ABHD2: variants seen among roughly 807,000 people sequenced by gnomAD.
ABHD2 encodes the protein monoacylglycerol lipase ABHD2.
A neutral mutation model predicts 48.1 loss-of-function variants in ABHD2; 20 were observed. The ratio of observed to expected loss-of-function variants is 0.42; its 90% CI spans 0.29 to 0.60. The LOEUF (loss-of-function observed/expected upper bound fraction) is 0.60. Among genes scored for constraint, ABHD2 ranks in the 20% least tolerant of loss-of-function variants. The pLI is 0.24. For synonymous variants in ABHD2, 209 were observed against 214.2 expected (o/e 0.98, Z 0.21); for missense variants, 405 against 550.9 (o/e 0.74, Z 2.65).
the ABHD2 span, among the ~76,000 whole-genome samples, chr15:89,055,713 T>C: frequency 6.6e-6 from 1 of 152,146 alleles, no homozygotes; most frequent in African/African-American, 2.4e-5. Flanking sequence ...ATGGGGGCGG[T>C]TGAATAATCC....
Position 89,151,752 on chromosome 15 carries a change from G to T in ABHD2, c.270G>T (p.Arg90Ser), listed in dbSNP as rs761873150. 4.7e-5 allele frequency: 76 copies of T among 1,614,060 alleles called. No homozygotes were observed. Among genetic ancestry groups the T allele is most frequent in the Non-Finnish European group, 6.2e-5 (73 of 1,180,046 alleles). The part of the protein sequence containing the change: ...TALYGKMGRV[R>S]SPHPYGHRKF... The stretch of plus-strand genomic sequence containing the variant: ...TGTATGGGAAGATGGGAAGGGTGAG[G>T]TCGCCACATCCTTATGGGCACCGGA... Residue 90 changes from arginine to serine, a missense_variant, in exon 4 of 11, where the codon AGG (arginine) becomes AGT (serine). Transcript: ENST00000352732. The surrounding 1 kb of genome is among the most constrained non-coding windows in gnomAD (Gnocchi z 4.7).
rs146498080 is a variant in ABHD2 at position 89,186,231 on chromosome 15, G to A, written c.815+715G>A. On this transcript the variant is annotated intron_variant, in intron 7 of 10. Coordinates refer to ENST00000352732, the MANE Select transcript of ABHD2 (RefSeq NM_152924.5). The surrounding 1 kb of genome is among the most constrained non-coding windows in gnomAD (Gnocchi z 4.3). ...AGGAGGCTCAGGGCATGGTTTCGGC[G>A]CCTCCCTGCTCGGAGTTTGAGCCTC... is the stretch of plus-strand genomic sequence containing the variant. 8.1e-4 allele frequency among the ~76,000 whole-genome samples: 123 copies of A among 152,234 alleles called. No individual in the cohort carries two copies. Among genetic ancestry groups the A allele is most frequent in the African/African-American group, 2.9e-3 (119 of 41,546 alleles).
the ABHD2 span, among the ~76,000 whole-genome samples, chr15:89,073,381 C>T: frequency 4.6e-5 from 7 of 152,064 alleles, no homozygotes; most frequent in South Asian, 8.3e-4. Context: ...CTGCAACTTC[C>T]GCCTCCTAGG....
chr15:89,048,618 A>G, the ABHD2 span, among the ~76,000 whole-genome samples: 3 of 151,242 alleles, frequency 2.0e-5, no homozygotes, highest in African/African-American at 7.3e-5. Flanking sequence ...TTTTTCTCTA[A>G]ACTTCCCTTC....
chr15:89,052,050 T>C, the ABHD2 span, among the ~76,000 whole-genome samples: 1 of 152,174 alleles, frequency 6.6e-6, no homozygotes, highest in Non-Finnish European at 1.5e-5. Flanking sequence ...GGAATGCATT[T>C]TCCCATGGGA....
the ABHD2 span, among the ~76,000 whole-genome samples, chr15:89,075,139 G>T: frequency 6.6e-6 from 1 of 152,188 alleles, no homozygotes; most frequent in African/African-American, 2.4e-5. This position sits in a 1 kb window ranked among gnomAD's most constrained non-coding sequence, Gnocchi z 4.1. Context: ...AGAGGAATAA[G>T]TCACCCTCCT....
chr15:89,090,708 G>C (rs1473306669), intron 1 of ABHD2, among the ~76,000 whole-genome samples: 2 of 152,120 alleles, frequency 1.3e-5, no homozygotes, highest in Non-Finnish European at 2.9e-5. Context: ...CCCTCGAAAT[G>C]GTAAAGTCCT....
the ABHD2 span, among the ~76,000 whole-genome samples, chr15:89,067,825 A>G: frequency 6.6e-6 from 1 of 152,174 alleles, no homozygotes; most frequent in African/African-American, 2.4e-5. Flanking sequence ...TGAGAGTCCA[A>G]ACCTTGAGGT....
rs767332086 is a variant in ABHD2 at position 89,091,737 on chromosome 15, G to A, written c.-107+3174G>A. On this transcript the variant is annotated intron_variant, in intron 1 of 10. Coordinates refer to ENST00000352732, the MANE Select transcript of ABHD2 (RefSeq NM_152924.5). This position sits in a 1 kb window ranked among gnomAD's most constrained non-coding sequence, Gnocchi z 5.5. ...CAATATAATTGAATTTTGTGTGGCAGAATTTCTACCATGACCTACAGCTTA... is the reference window on the plus strand; with the variant it reads ...CAATATAATTGAATTTTGTGTGGCAAAATTTCTACCATGACCTACAGCTTA... Among the ~76,000 whole-genome samples, 14 of 152,198 alleles carry A rather than the reference G, an allele frequency of 9.2e-5. No homozygotes were observed. Among genetic ancestry groups the A allele is most frequent in the Non-Finnish European group, 1.8e-4 (12 of 68,030 alleles).
the ABHD2 span, among the ~76,000 whole-genome samples, chr15:89,043,491 A>G: frequency 1.1e-4 from 12 of 109,622 alleles, no homozygotes; most frequent in African/African-American, 3.4e-4. Flanking sequence ...AAGAAGGGGG[A>G]GGGGGAGGAA....
In ABHD2 at chr15:89,166,503, T is replaced by C. The variant is rs1361666347; in HGVS notation, c.539-9309T>C. ...GAACTTTTTTGTTTTTTAAACTATC[T>C]TTTGGATTAAGGCTGCAGTGAACCG... On this transcript the variant is annotated intron_variant, in intron 5 of 10. Transcript: ENST00000352732. The surrounding 1 kb of genome is among the most constrained non-coding windows in gnomAD (Gnocchi z 4.6). Among the ~76,000 whole-genome samples, 1 of 152,192 alleles carries C rather than the reference T, an allele frequency of 6.6e-6. No homozygotes were observed. Among genetic ancestry groups the C allele is most frequent in the Non-Finnish European group, 1.5e-5 (1 of 68,028 alleles).
At chr15:89,045,681 T>G in the ABHD2 span, among the ~76,000 whole-genome samples, 1 of 152,268 alleles carries the variant, frequency 6.6e-6, no homozygotes, top group Non-Finnish European at 1.5e-5. Context: ...GGGAGTTCAC[T>G]CATGATTTGG....
In ABHD2 at chr15:89,186,135, G is replaced by A. The variant is rs2051205180; in HGVS notation, c.815+619G>A. Among the ~76,000 whole-genome samples, 1 of 152,190 alleles carries A rather than the reference G, an allele frequency of 6.6e-6. No homozygotes were observed. Among genetic ancestry groups the A allele is most frequent in the Non-Finnish European group, 1.5e-5 (1 of 68,044 alleles). ...GTTGAGGAGACCTTCCCTGTAGGAT[G>A]CTTCTGTGCCTGGGGGATCAGGACT... On this transcript the variant is annotated intron_variant, in intron 7 of 10. Transcript: ENST00000352732. This position sits in a 1 kb window ranked among gnomAD's most constrained non-coding sequence, Gnocchi z 4.3.
At chr15:89,087,915 C>T (rs1276781290), upstream of ABHD2, 3 of 152,178 alleles carry the variant, frequency 2.0e-5, no homozygotes, top group Non-Finnish European at 4.4e-5. This position sits in a 1 kb window ranked among gnomAD's most constrained non-coding sequence, Gnocchi z 5.5. Flanking sequence ...CTTCCTCTCT[C>T]CCGGGATATG....
At chr15:89,178,324 C>G (rs962916747) in intron 6 of ABHD2, among the ~76,000 whole-genome samples, 1 of 152,204 alleles carries the variant, frequency 6.6e-6, no homozygotes, top group Non-Finnish European at 1.5e-5. Flanking sequence ...TACTTTAAAC[C>G]AGTATAACCT....
upstream of ABHD2, among the ~76,000 whole-genome samples, chr15:89,086,615 A>G (rs180717966): frequency 2.0e-5 from 3 of 152,100 alleles, no homozygotes; most frequent in Admixed American, 6.5e-5. Flanking sequence ...GGGTCTCACT[A>G]TGTTGCCCAG....
intron 3 of ABHD2, among the ~76,000 whole-genome samples, chr15:89,145,294 C>G (rs2050472899): frequency 6.6e-6 from 1 of 152,126 alleles, no homozygotes; most frequent in South Asian, 2.1e-4. Flanking sequence ...CACTTCAGCC[C>G]TTTTGTGTGC....
chr15:89,048,669 C>T, the ABHD2 span, among the ~76,000 whole-genome samples: 1 of 152,034 alleles, frequency 6.6e-6, no homozygotes, highest in Admixed American at 6.6e-5. Context: ...CACTGATACC[C>T]TTTCTTCCAG....
At position 89,199,639 on chromosome 15, in the gene ABHD2, A is replaced by C. The variant is rs1410197234; in HGVS notation, c.*4216A>C. 7 of 146,284 alleles carry C rather than the reference A, an allele frequency of 4.8e-5. No homozygotes were observed. The highest frequency in any genetic ancestry group is 4.3e-4 in the Admixed American group (6 of 14,048). 9.1% of individuals were successfully genotyped at this position (146,284 alleles called of 1,614,324 possible). ...GATCCAGAACTGGCCCAAACACCTC[A>C]GCTCTGGTCCCTTTTTGCCCTTCTT... On this transcript the variant is annotated 3_prime_UTR_variant, in exon 11 of 11. Transcript: ENST00000352732. This position sits in a 1 kb window ranked among gnomAD's most constrained non-coding sequence, Gnocchi z 4.1.
Sources: gnomAD v4.1 joint callset for allele counts (sites outside exome capture counted in the v4.1 genomes callset) on GRCh38, gnomAD v4.1.1 for gene constraint, Gnocchi (gnomAD v3.1) non-coding constraint, MANE v1.5 for transcripts, NCBI Gene and HGNC (gene_info 2026-07-23, HGNC 2026-07-21) for gene names.